Variants in MARCHF1 observed in about 807,000 individuals in gnomAD.
The protein encoded by MARCHF1 is membrane associated ring-CH-type finger 1, also known as E3 ubiquitin-protein ligase MARCHF1.
In MARCHF1, 40 loss-of-function variants were observed where a neutral mutation model predicts 54.2. That is an observed-to-expected ratio of 0.74 (90% CI 0.57 to 0.96). The LOEUF (loss-of-function observed/expected upper bound fraction) is 0.96, where lower values mean the gene tolerates loss of function less well. Ranked by LOEUF, MARCHF1 falls within the 40% of genes least tolerant of loss-of-function variation. The pLI is 0.00. For synonymous variants in MARCHF1, 236 were observed against 236.3 expected (o/e 1.00, Z 0.01); for missense variants, 586 against 656.5 (o/e 0.89, Z 1.17).
In MARCHF1 at chr4:163,641,457, G is replaced by A. The variant is rs1000307974; in HGVS notation, c.163-28064C>T. Among the ~76,000 whole-genome samples the A allele has an allele frequency of 3.3e-5, 5 of 152,090 alleles. No homozygotes were observed. The East Asian group carries it at 5.8e-4, about 18-fold the overall frequency. ...TGTGATATTCAGAATATCTTGGGAT[G>A]TATTTGTTCTGAAAACCAAGCATCT... On this transcript the variant is annotated intron_variant, in intron 5 of 9. Coordinates refer to ENST00000514618, the MANE Select transcript of MARCHF1 (RefSeq NM_001394959.1).
intron 1 of MARCHF1, among the ~76,000 whole-genome samples, chr4:164,265,053 T>C (rs541168254): frequency 6.6e-6 from 1 of 152,180 alleles, no homozygotes; most frequent in African/African-American, 2.4e-5. Context: ...TGAAAAATTA[T>C]TGATTCATAC....
chr4:164,187,928 C>T (rs569788501), intron 1 of MARCHF1, among the ~76,000 whole-genome samples: 1 of 152,202 alleles, frequency 6.6e-6, no homozygotes, highest in South Asian at 2.1e-4. Flanking sequence ...TCTAGTAAAC[C>T]TATAAATTAT....
At chr4:163,837,970 A>C (rs958728013) in intron 4 of MARCHF1, among the ~76,000 whole-genome samples, 1 of 152,158 alleles carries the variant, frequency 6.6e-6, no homozygotes, top group African/African-American at 2.4e-5. Flanking sequence ...AACATTCTTC[A>C]AAGTTTGAAA....
intron 1 of MARCHF1, among the ~76,000 whole-genome samples, chr4:164,227,675 C>T (rs896012616): frequency 6.6e-5 from 10 of 152,062 alleles, no homozygotes; most frequent in African/African-American, 2.2e-4. Flanking sequence ...CGCAATCTCA[C>T]ATATTTCGCG....
chr4:164,312,875 T>C (rs1734898882), intron 1 of MARCHF1, among the ~76,000 whole-genome samples: 1 of 152,150 alleles, frequency 6.6e-6, no homozygotes. Context: ...ATGAGCCCTG[T>C]GCCGGCACTA....
Position 163,620,354 on chromosome 4 carries a change from A to G in MARCHF1, c.163-6961T>C, listed in dbSNP as rs1579119350. 2.6e-5 allele frequency among the ~76,000 whole-genome samples: 4 copies of G among 152,258 alleles called. 1 individual carries two copies. On this transcript the variant is annotated intron_variant, in intron 5 of 9. Coordinates refer to ENST00000514618, the MANE Select transcript of MARCHF1 (RefSeq NM_001394959.1). ...AACTTATTTGGAGAGAAATTTGATA[A>G]ACTCTATTAAAATAAAAAAATGTAT...
In MARCHF1 at chr4:164,190,406, A is replaced by G. The variant is rs574365034; in HGVS notation, c.-322-78744T>C. Reference sequence around the variant, plus strand: ...GAACTTTCCTTAGAAAAAAAATGAGAGAAGTCAAGTCTTAAATGTAATTGG... The same window carrying G: ...GAACTTTCCTTAGAAAAAAAATGAGGGAAGTCAAGTCTTAAATGTAATTGG... On this transcript the variant is annotated intron_variant, in intron 1 of 9. Coordinates refer to ENST00000514618, the MANE Select transcript of MARCHF1 (RefSeq NM_001394959.1). The G allele has an allele frequency of 1.2e-5, 6 of 480,898 alleles. No individual in the cohort carries two copies. The South Asian group carries it at 2.6e-4, about 21-fold the overall frequency. The allele number at this position is 480,898 out of a possible 1,614,324, so 29.8% of individuals were successfully genotyped here.
At chr4:163,783,203 CCT>C (rs1430042442) in intron 4 of MARCHF1, among the ~76,000 whole-genome samples, 3 of 152,128 alleles carry the variant, frequency 2.0e-5, no homozygotes, top group Non-Finnish European at 1.5e-5. Context: ...TTGTTATTCC[CCT>C]TTCACAGATG....
chr4:163,721,866 G>A (rs925083110), intron 4 of MARCHF1, among the ~76,000 whole-genome samples: 16 of 152,132 alleles, frequency 1.1e-4, no homozygotes, highest in Non-Finnish European at 2.2e-4. Flanking sequence ...CTGTGGGACC[G>A]GTGGTGACAT....
intron 3 of MARCHF1, among the ~76,000 whole-genome samples, chr4:163,977,645 C>T (rs1752675950): frequency 6.6e-6 from 1 of 152,002 alleles, no homozygotes. Context: ...AGGTCAAGAC[C>T]TCAGATAAAT....
intron 3 of MARCHF1, among the ~76,000 whole-genome samples, chr4:163,939,094 G>A (rs1751858058): frequency 6.6e-6 from 1 of 152,118 alleles, no homozygotes; most frequent in Admixed American, 6.6e-5. Context: ...TTGCTAGTAG[G>A]TAGAGACTTT....
At chr4:164,343,969 C>A (rs1730000447) in intron 1 of MARCHF1, among the ~76,000 whole-genome samples, 1 of 152,126 alleles carries the variant, frequency 6.6e-6, no homozygotes, top group African/African-American at 2.4e-5. Context: ...GTCATGGAAT[C>A]AACCTAAATG....
chr4:164,326,795 G>C (rs898698981), intron 1 of MARCHF1, among the ~76,000 whole-genome samples: 1 of 152,106 alleles, frequency 6.6e-6, no homozygotes, highest in Admixed American at 6.5e-5. Context: ...TAAAAGTATA[G>C]ATTCTGGAGC....
chr4:164,073,908 A>G (rs1754920671), intron 2 of MARCHF1, among the ~76,000 whole-genome samples: 1 of 151,896 alleles, frequency 6.6e-6, no homozygotes, highest in South Asian at 2.1e-4. Context: ...GGTTCAAGAG[A>G]TTCTCCTGCC....
chr4:164,186,191 C>A (rs1730966127), intron 1 of MARCHF1, among the ~76,000 whole-genome samples: 1 of 152,170 alleles, frequency 6.6e-6, no homozygotes, highest in Admixed American at 6.5e-5. Context: ...CTGTGCCCAG[C>A]CAATTTCTGG....
chr4:163,915,756 A>G (rs1172001097), intron 3 of MARCHF1, among the ~76,000 whole-genome samples: 3 of 152,142 alleles, frequency 2.0e-5, no homozygotes, highest in African/African-American at 7.2e-5. Context: ...ATAAGTGTTT[A>G]TTGATCCATA....
At chr4:163,848,414 T>A (rs1204340718) in intron 4 of MARCHF1, among the ~76,000 whole-genome samples, 1 of 152,224 alleles carries the variant, frequency 6.6e-6, no homozygotes, top group Non-Finnish European at 1.5e-5. Flanking sequence ...TATAGGAGTG[T>A]AATTTTCTCT....
chr4:164,383,671 T>C (rs1174399337), intron 1 of MARCHF1, 199 bp downstream of exon 1: 1 of 152,698 alleles, frequency 6.5e-6, no homozygotes, highest in Non-Finnish European at 1.5e-5. Context: ...GCCCGCAGGT[T>C]GGGTGGCAGC....
At chr4:163,642,307 T>C (rs1742583765) in intron 5 of MARCHF1, among the ~76,000 whole-genome samples, 1 of 152,184 alleles carries the variant, frequency 6.6e-6, no homozygotes, top group Non-Finnish European at 1.5e-5. Flanking sequence ...ATAAAGATAA[T>C]AAAGAGTTGG....
Sources: allele counts gnomAD v4.1 joint callset (sites outside exome capture counted in the v4.1 genomes callset), GRCh38; gene constraint gnomAD v4.1.1; transcripts MANE v1.5; gene names NCBI Gene and HGNC (gene_info 2026-07-23, HGNC 2026-07-21).